Variants in STIM2 observed in about 807,000 individuals in gnomAD.
The protein encoded by STIM2 is stromal interaction molecule 2.
Under a neutral mutation model 85.8 loss-of-function variants are expected in STIM2, and 31 were observed. That is an observed-to-expected ratio of 0.36 (90% CI 0.27 to 0.49). STIM2 has a LOEUF of 0.49. Among genes scored for constraint, STIM2 ranks in the 20% least tolerant of loss-of-function variants. STIM2 has a pLI of 0.98. For synonymous variants in STIM2, 356 were observed against 331.1 expected, an observed-to-expected ratio of 1.08 and a Z score of -0.82; for missense variants, 841 against 927.6, an observed-to-expected ratio of 0.91 and a Z score of 1.21.
At chr4:26,889,759 TG>T (rs1238168069) in intron 1 of STIM2, among the ~76,000 whole-genome samples, 1 of 152,108 alleles carries the variant, frequency 6.6e-6, no homozygotes, top group African/African-American at 2.4e-5. Context: ...ATGACAGAAG[TG>T]GCTAGGGAAA....
intron 1 of STIM2, chr4:26,873,965 G>T: frequency 9.1e-7 from 1 of 1,102,146 alleles, no homozygotes; most frequent in Admixed American, 1.9e-5. Context: ...GTGAGTCAGG[G>T]ATCCACTGCT....
chr4:26,861,307 C>T lies in STIM2; in HGVS notation c.89C>T (p.Ser30Phe), dbSNP rs1469583500. ...CTCCGCGGGCGGCGGGCGACTGGCT[C>T]TGCCGCAACTGCCGCCTCCTCTCCC... Residue 30 changes from serine to phenylalanine, a missense_variant, in exon 1 of 12, where the codon TCT (serine) becomes TTT (phenylalanine). Ser to Phe is a radical substitution (Grantham distance 155). Coordinates refer to ENST00000467087, the MANE Select transcript of STIM2 (RefSeq NM_020860.4). 3.5e-6 allele frequency: 5 copies of T among 1,421,872 alleles called. No individual in the cohort carries two copies. The South Asian group carries it at 7.1e-5, about 20-fold the overall frequency. The allele number at this position is 1,421,872 out of a possible 1,614,324, so 88.1% of individuals were successfully genotyped here. A position where few individuals can be genotyped will look rare whatever the true frequency, so the allele number is the denominator to read the frequency against.
intron 2 of STIM2, among the ~76,000 whole-genome samples, chr4:26,953,097 G>A (rs750945783): frequency 1.6e-4 from 24 of 152,068 alleles, no homozygotes; most frequent in African/African-American, 2.2e-4. Context: ...GACAGGTGTC[G>A]TTTGGGAAAG....
At chr4:27,016,774 G>A (rs1228940382) in intron 10 of STIM2, among the ~76,000 whole-genome samples, 1 of 152,206 alleles carries the variant, frequency 6.6e-6, no homozygotes, top group Non-Finnish European at 1.5e-5. Flanking sequence ...TACAAGTGAA[G>A]TTGCCCATGC....
intron 3 of STIM2, among the ~76,000 whole-genome samples, chr4:26,957,937 A>G (rs1260390538): frequency 6.6e-6 from 1 of 152,190 alleles, no homozygotes; most frequent in Non-Finnish European, 1.5e-5. Context: ...CTGTTCTCAT[A>G]TAATTATAGT....
intron 2 of STIM2, among the ~76,000 whole-genome samples, chr4:26,942,881 C>T (rs930847053): frequency 1.3e-5 from 2 of 152,110 alleles, no homozygotes; most frequent in Non-Finnish European, 2.9e-5. Context: ...TAACCGAGTC[C>T]TGAGCTCTGG....
At chr4:26,934,587 A>G (rs926812542) in intron 2 of STIM2, among the ~76,000 whole-genome samples, 1 of 152,200 alleles carries the variant, frequency 6.6e-6, no homozygotes. Context: ...ATTAGTTCTG[A>G]TACTTGTGAT....
intron 2 of STIM2, among the ~76,000 whole-genome samples, chr4:26,950,911 C>CT (rs137918942): frequency 0.012 from 1,818 of 148,336 alleles, 37 homozygotes; most frequent in African/African-American, 0.042. Context: ...GTTTGTTGTT[C>CT]TTTTTTTTTT....
At position 27,008,767 on chromosome 4, in the gene STIM2, A is replaced by G; in HGVS notation, c.1254A>G (p.Lys418=). The G allele has an allele frequency of 6.2e-7, 1 of 1,613,998 alleles. No homozygotes were observed. Among genetic ancestry groups the G allele is most frequent in the South Asian group, 1.1e-5 (1 of 91,058 alleles). ...ATTTCTTTATTGGCTTTTCCAGGAA[A>G]GCTCTCTCTGAGTTGACAACTTGTT... Residue 418 remains lysine, a synonymous_variant, in exon 10 of 12, where the codon AAA becomes AAG. Transcript: ENST00000467087.
intron 1 of STIM2, among the ~76,000 whole-genome samples, chr4:26,901,978 G>A (rs1723940143): frequency 6.6e-6 from 1 of 152,188 alleles, no homozygotes; most frequent in African/African-American, 2.4e-5. Context: ...GCTTTATAGA[G>A]TGAATCAATG....
intron 1 of STIM2, among the ~76,000 whole-genome samples, chr4:26,872,320 T>C (rs781535695): frequency 3.8e-4 from 58 of 152,300 alleles, no homozygotes; most frequent in African/African-American, 1.3e-3. Flanking sequence ...AAAAAATTAG[T>C]TGTATCATAA....
Position 27,017,789 on chromosome 4 carries a change from CGCCTCA to C in STIM2, c.1577_1582del (p.Pro526_Gln527del). The C allele has an allele frequency of 6.2e-7, 1 of 1,614,134 alleles. No individual in the cohort carries two copies. The highest frequency in any genetic ancestry group is 8.5e-7 in the Non-Finnish European group (1 of 1,180,024). On this transcript the variant is annotated inframe_deletion, in exon 11 of 12. Coordinates refer to ENST00000467087, the MANE Select transcript of STIM2 (RefSeq NM_020860.4). ...TCACGCCGCAGCATTGTGCCGTCCT[CGCCTCA>C]GCCTCAGCGAGCTCAGCTTGCTCCA... is the stretch of plus-strand genomic sequence containing the variant.
At chr4:27,018,930 A>C (rs933565007) in intron 11 of STIM2, among the ~76,000 whole-genome samples, 1 of 152,250 alleles carries the variant, frequency 6.6e-6, no homozygotes, top group African/African-American at 2.4e-5. Context: ...CAAAGGTTTA[A>C]GAAAATGTCA....
At chr4:26,885,471 T>C (rs991502609) in intron 1 of STIM2, among the ~76,000 whole-genome samples, 4 of 152,140 alleles carry the variant, frequency 2.6e-5, no homozygotes, top group African/African-American at 7.2e-5. Flanking sequence ...CATCAGCATA[T>C]GATTGTATCA....
intron 1 of STIM2, among the ~76,000 whole-genome samples, chr4:26,916,055 T>G (rs2109062896): frequency 1.3e-5 from 2 of 152,290 alleles, no homozygotes; most frequent in African/African-American, 4.8e-5. Flanking sequence ...CCATTATAAT[T>G]ATAGGCACAG....
intron 11 of STIM2, among the ~76,000 whole-genome samples, chr4:27,018,684 T>A (rs1161499933): frequency 1.3e-5 from 2 of 152,132 alleles, no homozygotes; most frequent in Admixed American, 1.3e-4. Context: ...ACCACAGACA[T>A]GTAGGTAGAT....
intron 1 of STIM2, among the ~76,000 whole-genome samples, chr4:26,862,421 C>A (rs1722251937): frequency 6.6e-6 from 1 of 151,532 alleles, no homozygotes; most frequent in Non-Finnish European, 1.5e-5. Flanking sequence ...GAAGATGACC[C>A]GTGATTAATT....
At chr4:27,007,906 A>C (rs1379447380) in intron 8 of STIM2, 16 of 725,238 alleles carry the variant, frequency 2.2e-5, no homozygotes, top group African/African-American at 3.6e-5. Flanking sequence ...ATACTTTTCA[A>C]AGTGACCTTA....
At chr4:26,958,721 T>G (rs1726340183) in intron 3 of STIM2, among the ~76,000 whole-genome samples, 2 of 152,140 alleles carry the variant, frequency 1.3e-5, no homozygotes, top group African/African-American at 4.8e-5. Flanking sequence ...CCTACACCAT[T>G]TTAAAATAAC....
Sources: allele counts gnomAD v4.1 joint callset (sites outside exome capture counted in the v4.1 genomes callset), GRCh38; gene constraint gnomAD v4.1.1; transcripts MANE v1.5; gene names NCBI Gene and HGNC (gene_info 2026-07-23, HGNC 2026-07-21).